Variants in KDM2A observed in about 807,000 individuals in gnomAD.
KDM2A encodes the protein lysine-specific demethylase 2A.
In KDM2A, 3 loss-of-function variants were observed where a neutral mutation model predicts 137.3. The ratio of observed to expected loss-of-function variants is 0.02; its 90% CI spans 0.01 to 0.06. KDM2A has a LOEUF of 0.06. Among genes scored for constraint, KDM2A ranks in the 10% least tolerant of loss-of-function variants. KDM2A has a pLI of 1.00. For missense variants in KDM2A, 738 were observed against 1,510.6 expected, an observed-to-expected ratio of 0.49 and a Z score of 8.48; for synonymous variants, 512 against 541.5, an observed-to-expected ratio of 0.95 and a Z score of 0.76.
At position 67,254,811 on chromosome 11, in the gene KDM2A, A is replaced by G. The variant is rs886877077; in HGVS notation, c.3308-63A>G. ...TTTTGAAGGAAAGACGGCTACAGGA[A>G]TTGAATGGCAGAGGAAAGCTGTGTG... On this transcript the variant is annotated intron_variant, in intron 20 of 20. Transcript: ENST00000529006. The surrounding 1 kb of genome is among the most constrained non-coding windows in gnomAD (Gnocchi z 4.7). The G allele has an allele frequency of 3.5e-5, 50 of 1,443,226 alleles. No individual in the cohort carries two copies. The highest frequency in any genetic ancestry group is 4.2e-5 in the Non-Finnish European group (43 of 1,035,478). The allele number at this position is 1,443,226 out of a possible 1,614,324, so 89.4% of individuals were successfully genotyped here. A position where few individuals can be genotyped will look rare whatever the true frequency, so the allele number is the denominator to read the frequency against.
intron 19 of KDM2A, 71 bp downstream of exon 19, chr11:67,253,682 A>C: frequency 6.6e-7 from 1 of 1,516,130 alleles, no homozygotes; most frequent in Non-Finnish European, 9.1e-7. Flanking sequence ...CCTCGTCTTC[A>C]GAAGCTAAGG....
chr11:67,211,768 C>T (rs536911875), intron 6 of KDM2A, among the ~76,000 whole-genome samples: 23 of 151,850 alleles, frequency 1.5e-4, no homozygotes, highest in African/African-American at 4.3e-4. Flanking sequence ...CACTTTATAT[C>T]CTCAAGTTCT....
chr11:67,238,121 G>A (rs935807358), intron 12 of KDM2A, among the ~76,000 whole-genome samples: 1 of 151,920 alleles, frequency 6.6e-6, no homozygotes, highest in East Asian at 1.9e-4. Flanking sequence ...TTATATTCTT[G>A]TATTATGTAA....
intron 5 of KDM2A, among the ~76,000 whole-genome samples, chr11:67,197,820 C>A (rs1179873982): frequency 6.6e-6 from 1 of 152,088 alleles, no homozygotes; most frequent in Non-Finnish European, 1.5e-5. Flanking sequence ...AACAATGCAA[C>A]GGCTAGAGGC....
At chr11:67,246,466 G>A (rs1453024796) in intron 15 of KDM2A, among the ~76,000 whole-genome samples, 1 of 151,972 alleles carries the variant, frequency 6.6e-6, no homozygotes, top group Non-Finnish European at 1.5e-5. Flanking sequence ...ACATACTTCA[G>A]TGTACCTCTG....
At chr11:67,167,616 C>T (rs1043789313) in intron 2 of KDM2A, among the ~76,000 whole-genome samples, 1 of 151,386 alleles carries the variant, frequency 6.6e-6, no homozygotes, top group Non-Finnish European at 1.5e-5. Context: ...GTCCTACTGA[C>T]TAAATATTTT....
At chr11:67,188,089 T>C (rs575197336) in intron 5 of KDM2A, among the ~76,000 whole-genome samples, 1 of 152,130 alleles carries the variant, frequency 6.6e-6, no homozygotes, top group Non-Finnish European at 1.5e-5. Flanking sequence ...ATGCCTGTGC[T>C]CCTAGCCACT....
Position 67,255,192 on chromosome 11 carries a change from C to A in KDM2A, c.*137C>A. 2 of 752,756 alleles carry A rather than the reference C, an allele frequency of 2.7e-6. No individual in the cohort carries two copies. Among genetic ancestry groups the A allele is most frequent in the Non-Finnish European group, 4.3e-6 (2 of 468,340 alleles). 46.6% of individuals were successfully genotyped at this position (752,756 alleles called of 1,614,324 possible). ...TGCTCTCCTGTCCCTTGAGCCCTTC[C>A]TCTACAGGTGGGGCAGAGAGGGTGG... On this transcript the variant is annotated 3_prime_UTR_variant, in exon 21 of 21. Transcript: ENST00000529006.
intron 6 of KDM2A, among the ~76,000 whole-genome samples, chr11:67,214,604 G>T (rs1192775828): frequency 6.6e-6 from 1 of 152,144 alleles, no homozygotes; most frequent in African/African-American, 2.4e-5. Context: ...CTCCCAAAGT[G>T]TTGGGGATTA....
At position 67,255,232 on chromosome 11, in the gene KDM2A, A is replaced by G. The variant is rs867640095; in HGVS notation, c.*177A>G. 19 of 611,860 alleles carry G rather than the reference A, an allele frequency of 3.1e-5. No homozygotes were observed. Among genetic ancestry groups the G allele is most frequent in the Middle Eastern group, 4.4e-4 (1 of 2,278 alleles). The allele number at this position is 611,860 out of a possible 1,614,324, so 37.9% of individuals were successfully genotyped here. On this transcript the variant is annotated 3_prime_UTR_variant, in exon 21 of 21. Coordinates refer to ENST00000529006, the MANE Select transcript of KDM2A (RefSeq NM_012308.3). ...AGAGAGGGTGGTGGACACCAGGCTTATCTGCCTGCTCCTCTCCCTCCTAAG... is the reference window on the plus strand; with the variant it reads ...AGAGAGGGTGGTGGACACCAGGCTTGTCTGCCTGCTCCTCTCCCTCCTAAG...
chr11:67,166,090 G>A (rs1217129730), intron 2 of KDM2A, among the ~76,000 whole-genome samples: 1 of 151,702 alleles, frequency 6.6e-6, no homozygotes, highest in Admixed American at 6.6e-5. Flanking sequence ...GTAAACAGAA[G>A]TATTCAGGGA....
intron 10 of KDM2A, among the ~76,000 whole-genome samples, chr11:67,220,466 C>G (rs1009090270): frequency 6.6e-6 from 1 of 152,128 alleles, no homozygotes; most frequent in African/African-American, 2.4e-5. Flanking sequence ...ACACTGATGA[C>G]TATACTCAAA....
chr11:67,130,890 A>C (rs1289775634), intron 2 of KDM2A, among the ~76,000 whole-genome samples: 1 of 148,548 alleles, frequency 6.7e-6, no homozygotes, highest in Non-Finnish European at 1.5e-5. Context: ...AATTATGGAG[A>C]GAGAGGCCCA....
At chr11:67,169,827 G>A (rs1365463488) in intron 2 of KDM2A, among the ~76,000 whole-genome samples, 2 of 128,472 alleles carry the variant, frequency 1.6e-5, no homozygotes, top group Non-Finnish European at 3.2e-5. Flanking sequence ...GCGAGATCTC[G>A]GCTCACTGCA....
intron 2 of KDM2A, among the ~76,000 whole-genome samples, chr11:67,135,921 A>T (rs1363785989): frequency 6.6e-6 from 1 of 152,222 alleles, no homozygotes; most frequent in African/African-American, 2.4e-5. Flanking sequence ...TGAAGTCTAG[A>T]TTCTAGATAG....
At chr11:67,223,481 C>T (rs1396962101) in intron 10 of KDM2A, among the ~76,000 whole-genome samples, 1 of 152,082 alleles carries the variant, frequency 6.6e-6, no homozygotes, top group Non-Finnish European at 1.5e-5. Context: ...CAGCTCATTG[C>T]AGCCTCAACC....
At chr11:67,140,322 C>T (rs949648585) in intron 2 of KDM2A, among the ~76,000 whole-genome samples, 6 of 151,830 alleles carry the variant, frequency 4.0e-5, no homozygotes, top group South Asian at 2.1e-4. Context: ...GCTTTGATTA[C>T]GCCACTGCAC....
intron 10 of KDM2A, among the ~76,000 whole-genome samples, chr11:67,224,593 G>T (rs1362666493): frequency 1.4e-5 from 2 of 142,824 alleles, no homozygotes; most frequent in Non-Finnish European, 3.0e-5. Flanking sequence ...TCAGCCTCCC[G>T]AGTAGCTGGG....
intron 10 of KDM2A, among the ~76,000 whole-genome samples, chr11:67,222,894 A>AG (rs1370977218): frequency 1.3e-4 from 20 of 150,190 alleles, no homozygotes; most frequent in East Asian, 7.9e-4. Flanking sequence ...AAGAAAAATA[A>AG]GGGGGAAAAA....
Sources: gnomAD v4.1 joint callset for allele counts (sites outside exome capture counted in the v4.1 genomes callset) on GRCh38, gnomAD v4.1.1 for gene constraint, Gnocchi (gnomAD v3.1) non-coding constraint, MANE v1.5 for transcripts, NCBI Gene and HGNC (gene_info 2026-07-23, HGNC 2026-07-21) for gene names.